NFATC3: variants seen among roughly 807,000 people sequenced by gnomAD.
NFATC3 encodes the protein nuclear factor of activated T-cells, cytoplasmic 3.
In NFATC3, 46 loss-of-function variants were observed where a neutral mutation model predicts 98.6. That is an observed-to-expected ratio of 0.47 (90% CI 0.37 to 0.60). The LOEUF (loss-of-function observed/expected upper bound fraction) is 0.60. Among genes scored for constraint, NFATC3 ranks in the 20% least tolerant of loss-of-function variants. NFATC3 has a pLI of 0.00. For missense variants in NFATC3, 1,256 were observed against 1,295.5 expected (o/e 0.97, Z 0.47); for synonymous variants, 512 against 472.2 (o/e 1.08, Z -1.09).
chr16:68,145,708 G>A (rs1246315494), intron 3 of NFATC3, among the ~76,000 whole-genome samples: 1 of 152,222 alleles, frequency 6.6e-6, no homozygotes, highest in Non-Finnish European at 1.5e-5. Flanking sequence ...GTCAGGTTGA[G>A]GGGTGCAAAT....
At chr16:68,198,205 C>T (rs1365201262) in intron 9 of NFATC3, among the ~76,000 whole-genome samples, 1 of 152,094 alleles carries the variant, frequency 6.6e-6, no homozygotes, top group East Asian at 1.9e-4. Flanking sequence ...GTAATACCAG[C>T]TACTTGGGAG....
At chr16:68,186,066 A>G (rs9932414) in intron 8 of NFATC3, among the ~76,000 whole-genome samples, 42,192 of 151,966 alleles carry the variant, frequency 0.28, 7,396 homozygotes, top group African/African-American at 0.5. Flanking sequence ...AAATCAGGTG[A>G]CATACACTAA....
chr16:68,102,339 T>G (rs2035410851), intron 1 of NFATC3, among the ~76,000 whole-genome samples: 1 of 116,970 alleles, frequency 8.5e-6, no homozygotes, highest in African/African-American at 3.4e-5. Flanking sequence ...ACTACTGCAC[T>G]CCAGCCCTGG....
chr16:68,113,958 G>A (rs1430832888), intron 1 of NFATC3, among the ~76,000 whole-genome samples: 1 of 152,068 alleles, frequency 6.6e-6, no homozygotes, highest in Non-Finnish European at 1.5e-5. Context: ...GAGCCGCAGT[G>A]ATGGCGACTG....
In NFATC3 at chr16:68,191,307, C is replaced by G; in HGVS notation, c.2638C>G (p.Gln880Glu). ...PHSVHTLPHL[Q>E]SMGYHCSNTG... ...TTCTGTGCATACCCTGCCTCATCTG[C>G]AATCAATGGGATATCATTGTTCAAA... Residue 880 changes from glutamine to glutamate, a missense_variant, in exon 9 of 10, where the codon CAA becomes GAA. By Grantham distance (29) the Gln-to-Glu change is conservative. Transcript: ENST00000346183. 6.2e-7 allele frequency: 1 copy of G among 1,614,182 alleles called. No individual in the cohort carries two copies. Among genetic ancestry groups the G allele is most frequent in the Non-Finnish European group, 8.5e-7 (1 of 1,180,022 alleles).
chr16:68,226,566 G>T lies in NFATC3; in HGVS notation c.*95G>T. ...CCAACTCTGCAGCCTTCAGGTCTGGGGCCAGGAGTGGGACCCACCATTTGT... is the reference window on the plus strand; with the variant it reads ...CCAACTCTGCAGCCTTCAGGTCTGGTGCCAGGAGTGGGACCCACCATTTGT... On this transcript the variant is annotated 3_prime_UTR_variant, in exon 10 of 10. Transcript: ENST00000346183. 2.2e-6 allele frequency: 3 copies of T among 1,359,150 alleles called. No homozygotes were observed. Among genetic ancestry groups the T allele is most frequent in the East Asian group, 5.6e-5 (2 of 35,846 alleles). 84.2% of individuals were successfully genotyped at this position (1,359,150 alleles called of 1,614,324 possible).
At chr16:68,151,263 A>C (rs1567521918) in intron 3 of NFATC3, among the ~76,000 whole-genome samples, 1 of 152,088 alleles carries the variant, frequency 6.6e-6, no homozygotes, top group African/African-American at 2.4e-5. Flanking sequence ...GGACGCTTAC[A>C]CATGCTTGAT....
At chr16:68,187,589 A>C (rs534649159) in intron 8 of NFATC3, among the ~76,000 whole-genome samples, 1 of 152,088 alleles carries the variant, frequency 6.6e-6, no homozygotes, top group Non-Finnish European at 1.5e-5. Flanking sequence ...GCAGAGAGGA[A>C]ACTCTAGAAT....
At chr16:68,158,769 G>GA (rs34395120) in intron 4 of NFATC3, among the ~76,000 whole-genome samples, 27,953 of 152,004 alleles carry the variant, frequency 0.18, 2,933 homozygotes, top group African/African-American at 0.28. Context: ...TACCAGAGGG[G>GA]TAATAAGGAG....
At chr16:68,103,193 T>TTTA (rs945610645) in intron 1 of NFATC3, among the ~76,000 whole-genome samples, 89 of 150,912 alleles carry the variant, frequency 5.9e-4, no homozygotes, top group Middle Eastern at 3.4e-3. Context: ...TTTTTTTTAT[T>TTTA]TTATTATTAT....
chr16:68,168,869 A>G (rs1203663303), intron 5 of NFATC3, among the ~76,000 whole-genome samples: 2 of 152,146 alleles, frequency 1.3e-5, no homozygotes, highest in Non-Finnish European at 2.9e-5. Context: ...ATACTTTATC[A>G]TTTGCCAGTT....
At chr16:68,195,137 C>T (rs1444138015) in intron 9 of NFATC3, among the ~76,000 whole-genome samples, 1 of 151,496 alleles carries the variant, frequency 6.6e-6, no homozygotes, top group Non-Finnish European at 1.5e-5. Flanking sequence ...TGCCTGTAAT[C>T]CCAGCTACTT....
intron 9 of NFATC3, among the ~76,000 whole-genome samples, chr16:68,213,841 C>T (rs2041521860): frequency 6.6e-6 from 1 of 152,054 alleles, no homozygotes; most frequent in Non-Finnish European, 1.5e-5. Context: ...AAAAAATACT[C>T]TTCCATGACT....
intron 1 of NFATC3, among the ~76,000 whole-genome samples, chr16:68,117,547 A>G (rs2036345276): frequency 6.6e-6 from 1 of 152,116 alleles, no homozygotes; most frequent in South Asian, 2.1e-4. Context: ...TTGCTCTGTC[A>G]CCGAGGATGG....
chr16:68,149,762 G>A (rs1274770971), intron 3 of NFATC3, among the ~76,000 whole-genome samples: 2 of 152,098 alleles, frequency 1.3e-5, no homozygotes, highest in African/African-American at 4.8e-5. Flanking sequence ...GGCAGACAAA[G>A]GGTTAATATG....
intron 3 of NFATC3, among the ~76,000 whole-genome samples, chr16:68,131,372 G>T (rs1332643058): frequency 6.6e-6 from 1 of 152,058 alleles, no homozygotes; most frequent in African/African-American, 2.4e-5. Flanking sequence ...CTGCCTTCCG[G>T]GTTCAGGTGA....
intron 1 of NFATC3, among the ~76,000 whole-genome samples, chr16:68,113,154 G>C (rs2036073449): frequency 6.6e-6 from 1 of 152,178 alleles, no homozygotes. Context: ...CAATCATTTA[G>C]AGAAGAGACA....
intron 1 of NFATC3, among the ~76,000 whole-genome samples, chr16:68,087,307 G>T (rs2034437345): frequency 6.6e-6 from 1 of 152,156 alleles, no homozygotes; most frequent in Non-Finnish European, 1.5e-5. Context: ...AAGGAATTGT[G>T]TGACTACATA....
In NFATC3 at chr16:68,161,519, C is replaced by T. The variant is rs568375353; in HGVS notation, c.1601+3451C>T. 6.6e-5 allele frequency among the ~76,000 whole-genome samples: 10 copies of T among 152,284 alleles called. No homozygotes were observed. The South Asian group carries it at 1.9e-3, about 28-fold the overall frequency. ...TATTGCATGCGTGTGTGCATGCACA[C>T]ACAAACACAGTCCTTTCAACTTAAA... On this transcript the variant is annotated intron_variant, in intron 4 of 9. Transcript: ENST00000346183.
Sources: gnomAD v4.1 joint callset for allele counts (sites outside exome capture counted in the v4.1 genomes callset) on GRCh38, gnomAD v4.1.1 for gene constraint, MANE v1.5 for transcripts, NCBI Gene and HGNC (gene_info 2026-07-23, HGNC 2026-07-21) for gene names.